The following STX7 variants were observed in gnomAD, a reference collection of about 807,000 sequenced individuals.
STX7 encodes the protein syntaxin 7, also known as syntaxin-7.
A neutral mutation model predicts 39.6 loss-of-function variants in STX7; 34 were observed. That is an observed-to-expected ratio of 0.86 (90% CI 0.65 to 1.14). The LOEUF (loss-of-function observed/expected upper bound fraction) is 1.14. Among genes scored for constraint, STX7 ranks in the 50% most tolerant of loss-of-function variants. The pLI, the probability that STX7 is intolerant of heterozygous loss-of-function variation, is 0.00. For synonymous variants in STX7, 119 were observed against 99.1 expected, an observed-to-expected ratio of 1.20 and a Z score of -1.19; for missense variants, 284 against 310.4, an observed-to-expected ratio of 0.92 and a Z score of 0.64.
chr6:132,466,560 C>A (rs918842451), intron 8 of STX7, among the ~76,000 whole-genome samples: 11 of 152,212 alleles, frequency 7.2e-5, no homozygotes, highest in African/African-American at 2.4e-4. Context: ...TTTAGAGGAT[C>A]CAGGGCTAAG....
At chr6:132,512,568 T>C (rs1039654929) in intron 1 of STX7, among the ~76,000 whole-genome samples, 14 of 152,316 alleles carry the variant, frequency 9.2e-5, no homozygotes, top group Admixed American at 4.6e-4. Flanking sequence ...AGTTCCTCTA[T>C]ATTCGGGAAG....
Position 132,460,201 on chromosome 6 carries a change from G to A in STX7, c.*557C>T, listed in dbSNP as rs991343652. The stretch of plus-strand genomic sequence containing the variant: ...CAAATAAACTAGAAAAGTATTCACC[G>A]ACTTCAGGGTAAAAAAGATCTTAAA... On this transcript the variant is annotated 3_prime_UTR_variant, in exon 10 of 10. Coordinates refer to ENST00000367941, the MANE Select transcript of STX7 (RefSeq NM_003569.3). The A allele has an allele frequency of 3.3e-5, 5 of 152,080 alleles. No homozygotes were observed. The highest frequency in any genetic ancestry group is 1.2e-4 in the African/African-American group (5 of 41,408). 9.4% of individuals were successfully genotyped at this position (152,080 alleles called of 1,614,324 possible).
chr6:132,453,417 C>T lies in STX7; in HGVS notation c.*7341G>A, dbSNP rs1774178666. 6.6e-6 allele frequency: 1 copy of T among 151,926 alleles called. No homozygotes were observed. Among genetic ancestry groups the T allele is most frequent in the Non-Finnish European group, 1.5e-5 (1 of 67,910 alleles). The allele number at this position is 151,926 out of a possible 1,614,324, so 9.4% of individuals were successfully genotyped here. Reference sequence around the variant, plus strand: ...TAGAGTGGACTTCATCAAAATTAAACACTTCTGCTCTGTGAAAGGCCCAGA... The same window carrying T: ...TAGAGTGGACTTCATCAAAATTAAATACTTCTGCTCTGTGAAAGGCCCAGA... On this transcript the variant is annotated 3_prime_UTR_variant, in exon 10 of 10. Transcript: ENST00000367941.
intron 2 of STX7, among the ~76,000 whole-genome samples, chr6:132,486,743 T>C (rs896664030): frequency 6.7e-6 from 1 of 149,756 alleles, no homozygotes. Context: ...CTCAGCTTAC[T>C]GGAACCTCCT....
chr6:132,468,713 A>T (rs1774626315), intron 7 of STX7, among the ~76,000 whole-genome samples: 1 of 142,782 alleles, frequency 7.0e-6, no homozygotes. Flanking sequence ...ATACCAAGTG[A>T]GCGAGGCAGG....
chr6:132,503,106 T>C (rs557884481), intron 2 of STX7, among the ~76,000 whole-genome samples: 2 of 152,304 alleles, frequency 1.3e-5, no homozygotes, highest in Admixed American at 6.5e-5. Flanking sequence ...GCTACCTGGT[T>C]CCAAACCTAT....
chr6:132,504,684 G>A (rs1027584818), intron 1 of STX7, among the ~76,000 whole-genome samples: 1 of 152,048 alleles, frequency 6.6e-6, no homozygotes, highest in African/African-American at 2.4e-5. Context: ...CTCAAATCAA[G>A]TTTGTCATTT....
At chr6:132,505,983 T>G (rs1775697669) in intron 1 of STX7, among the ~76,000 whole-genome samples, 2 of 151,828 alleles carry the variant, frequency 1.3e-5, no homozygotes, top group African/African-American at 2.4e-5. Context: ...GACAAAAACA[T>G]ACACTGAGGA....
intron 1 of STX7, among the ~76,000 whole-genome samples, chr6:132,505,757 A>AC (rs1775687955): frequency 6.9e-6 from 1 of 144,916 alleles, no homozygotes; most frequent in Non-Finnish European, 1.5e-5. Context: ...AAAAAAAAAA[A>AC]AAAAAAACAC....
In STX7 at chr6:132,449,250, G is replaced by A. The variant is rs982011552; in HGVS notation, c.*11508C>T. 1 of 152,096 alleles carries A rather than the reference G, an allele frequency of 6.6e-6. No homozygotes were observed. The highest frequency in any genetic ancestry group is 1.5e-5 in the Non-Finnish European group (1 of 68,064). 9.4% of individuals were successfully genotyped at this position (152,096 alleles called of 1,614,324 possible). ...TGATCCTCCCACTTGAGCCTCCCAA[G>A]TAGCTGGGACTACTGGTTCATGTCA... On this transcript the variant is annotated 3_prime_UTR_variant, in exon 10 of 10. Transcript: ENST00000367941.
chr6:132,478,626 G>A (rs999777102), intron 2 of STX7, among the ~76,000 whole-genome samples: 3 of 152,148 alleles, frequency 2.0e-5, no homozygotes, highest in African/African-American at 7.2e-5. Flanking sequence ...CATTTAACCG[G>A]CCTATCTGGA....
At chr6:132,480,552 G>T (rs890638297) in intron 2 of STX7, among the ~76,000 whole-genome samples, 4 of 152,186 alleles carry the variant, frequency 2.6e-5, no homozygotes, top group Non-Finnish European at 5.9e-5. Context: ...GTCATTTAGG[G>T]CCAAGGTAGT....
At chr6:132,462,182 T>C (rs1344099767) in intron 9 of STX7, among the ~76,000 whole-genome samples, 2 of 152,210 alleles carry the variant, frequency 1.3e-5, no homozygotes, top group Non-Finnish European at 2.9e-5. Flanking sequence ...CGTGGGGTAA[T>C]GAGACCCTGG....
chr6:132,461,788 C>T (rs1256319644), intron 9 of STX7: 16 of 1,497,484 alleles, frequency 1.1e-5, no homozygotes, highest in Non-Finnish European at 1.4e-5. Context: ...TTGTTCCGTT[C>T]TTCATTCCTG....
chr6:132,489,939 A>G (rs1370170755), intron 2 of STX7, among the ~76,000 whole-genome samples: 1 of 152,222 alleles, frequency 6.6e-6, no homozygotes, highest in Non-Finnish European at 1.5e-5. Context: ...TAAAGTACAA[A>G]AACAAGTCAT....
rs1476856870 is a variant in STX7, at chr6:132,446,598, C to A, written c.*14160G>T. 1 of 152,140 alleles carries A rather than the reference C, an allele frequency of 6.6e-6. No homozygotes were observed. The highest frequency in any genetic ancestry group is 2.4e-5 in the African/African-American group (1 of 41,442). The allele number at this position is 152,140 out of a possible 1,614,324, so 9.4% of individuals were successfully genotyped here. A position where few individuals can be genotyped will look rare whatever the true frequency, so the allele number is the denominator to read the frequency against. On this transcript the variant is annotated 3_prime_UTR_variant, in exon 10 of 10. Transcript: ENST00000367941. Reference sequence around the variant, plus strand: ...CAGGGCCCAGCATTTATTAAGCACTCAGCAAATGCTTACTAAATGAATGAA... The same window carrying A: ...CAGGGCCCAGCATTTATTAAGCACTAAGCAAATGCTTACTAAATGAATGAA...
Position 132,452,818 on chromosome 6 carries a change from A to G in STX7, c.*7940T>C, listed in dbSNP as rs1237717424. 6.6e-6 allele frequency: 1 copy of G among 152,182 alleles called. No individual in the cohort carries two copies. The highest frequency in any genetic ancestry group is 1.5e-5 in the Non-Finnish European group (1 of 68,000). 9.4% of individuals were successfully genotyped at this position (152,182 alleles called of 1,614,324 possible). ...GTCAAATCTCCCCAAATTGATGTATAGGTATAACATAGTTCCTGTCAAAAT... is the reference window on the plus strand; with the variant it reads ...GTCAAATCTCCCCAAATTGATGTATGGGTATAACATAGTTCCTGTCAAAAT... On this transcript the variant is annotated 3_prime_UTR_variant, in exon 10 of 10. Coordinates refer to ENST00000367941, the MANE Select transcript of STX7 (RefSeq NM_003569.3).
In STX7 at chr6:132,466,701, A is replaced by G. The variant is rs542076489; in HGVS notation, c.610+1702T>C. Among the ~76,000 whole-genome samples, 5 of 152,008 alleles carry G rather than the reference A, an allele frequency of 3.3e-5. No homozygotes were observed. The East Asian group carries it at 9.7e-4, about 29-fold the overall frequency. ...TCCCCTGCCCAGACTTCTCCCCTGA[A>G]CTCCATGTTCACTTTAATAATGTCA... On this transcript the variant is annotated intron_variant, in intron 8 of 9. Coordinates refer to ENST00000367941, the MANE Select transcript of STX7 (RefSeq NM_003569.3).
intron 2 of STX7, among the ~76,000 whole-genome samples, chr6:132,489,616 G>A (rs1485966806): frequency 6.6e-6 from 1 of 152,192 alleles, no homozygotes; most frequent in Non-Finnish European, 1.5e-5. Flanking sequence ...AGTGTGGGAA[G>A]GGAGATGGAG....
Sources: allele counts gnomAD v4.1 joint callset (sites outside exome capture counted in the v4.1 genomes callset), GRCh38; gene constraint gnomAD v4.1.1; transcripts MANE v1.5; gene names NCBI Gene and HGNC (gene_info 2026-07-23, HGNC 2026-07-21).